DNAJC25: variants seen among roughly 807,000 people sequenced by gnomAD.
DNAJC25 encodes DnaJ heat shock protein family (Hsp40) member C25.
In DNAJC25, 26 loss-of-function variants were observed where a neutral mutation model predicts 42.1. The observed-to-expected ratio is 0.62, with a 90% CI of 0.45 to 0.86. The LOEUF is 0.86. Among genes scored for constraint, DNAJC25 ranks in the 40% least tolerant of loss-of-function variants. DNAJC25 has a pLI of 0.00. For synonymous variants in DNAJC25, 189 were observed against 179.9 expected, an observed-to-expected ratio of 1.05 and a Z score of -0.40; for missense variants, 404 against 459.4, an observed-to-expected ratio of 0.88 and a Z score of 1.10.
In DNAJC25 at chr9:111,647,217, A is replaced by G; in HGVS notation, c.447A>G (p.Arg149=). The G allele has an allele frequency of 6.2e-7, 1 of 1,614,186 alleles. No individual in the cohort carries two copies. Among genetic ancestry groups the G allele is most frequent in the Non-Finnish European group, 8.5e-7 (1 of 1,180,040 alleles). ...GCTTGGCCCCTAAGGTGGATGTTAG[A>G]GTAGTGATTTTGGTCAGCGTGTGTG... ...SRRLAPKVDV[R]VVILVSVCAI... is the part of the protein sequence containing the mutation. Residue 149 remains arginine (R), a synonymous_variant, in exon 2 of 4, where the codon AGA becomes AGG. Coordinates refer to ENST00000313525, the MANE Select transcript of DNAJC25 (RefSeq NM_001015882.3).
In DNAJC25 at chr9:111,649,639, A is replaced by G; in HGVS notation, c.676A>G (p.Ile226Val). The change falls in exon 3 of 4, where the codon ATA becomes GTA. Residue 226 changes from isoleucine to valine, a missense_variant. Ile to Val is a conservative substitution (Grantham distance 29). Coordinates refer to ENST00000313525, the MANE Select transcript of DNAJC25 (RefSeq NM_001015882.3). ...GGAGGAGAACATCATAAAGAACATT[A>G]TAAAAAGTAAAATAGATATAAAGGG... is the stretch of plus-strand genomic sequence containing the variant. ...DEEENIIKNIIKSKIDIKGGY... is the reference protein window; with the variant it reads ...DEEENIIKNIVKSKIDIKGGY... The G allele has an allele frequency of 6.2e-7, 1 of 1,613,864 alleles. No individual in the cohort carries two copies. Among genetic ancestry groups the G allele is most frequent in the Admixed American group, 1.7e-5 (1 of 59,940 alleles).
At position 111,639,928 on chromosome 9, in the gene DNAJC25, C is replaced by CTCTCCG. The variant is rs71373755; in HGVS notation, c.337-7149_337-7144dup. Reference sequence around the variant, plus strand: ...CCTCTCCCTCTCCCTCTCCCTCTCCCTCTCCGTCTCCGTCTCCGTCTCCGT... The same window carrying CTCTCCG: ...CCTCTCCCTCTCCCTCTCCCTCTCCCTCTCCGTCTCCGTCTCCGTCTCCGTCTCCGT... On this transcript the variant is annotated intron_variant, in intron 1 of 3. Transcript: ENST00000313525. Among the ~76,000 whole-genome samples the CTCTCCG allele has an allele frequency of 1.5e-3, 179 of 120,038 alleles. 1 individual carries two copies. Among genetic ancestry groups the CTCTCCG allele is most frequent in the South Asian group, 0.012 (41 of 3,560 alleles). 78.7% of individuals were successfully genotyped at this position (120,038 alleles called of 152,430 possible).
intron 1 of DNAJC25, among the ~76,000 whole-genome samples, chr9:111,640,824 G>A (rs1175057186): frequency 7.7e-6 from 1 of 129,902 alleles, no homozygotes; most frequent in African/African-American, 3.1e-5. Flanking sequence ...CACCCCGTCC[G>A]GGAGGGAGGT....
At chr9:111,640,216 G>C (rs1830431454) in intron 1 of DNAJC25, among the ~76,000 whole-genome samples, 2 of 150,194 alleles carry the variant, frequency 1.3e-5, no homozygotes, top group African/African-American at 2.4e-5. Flanking sequence ...ATGGAGTCTC[G>C]TTCACTCAGT....
At chr9:111,651,528 T>C (rs1332356904) in intron 3 of DNAJC25, among the ~76,000 whole-genome samples, 4 of 152,150 alleles carry the variant, frequency 2.6e-5, no homozygotes, top group Non-Finnish European at 5.9e-5. Flanking sequence ...TTCCAAAATT[T>C]GATGTGGCTG....
At chr9:111,633,109 A>G (rs1287486902) in intron 1 of DNAJC25, among the ~76,000 whole-genome samples, 4 of 152,176 alleles carry the variant, frequency 2.6e-5, no homozygotes, top group Non-Finnish European at 4.4e-5. Flanking sequence ...AAAAATAGGA[A>G]AGAACTCTCC....
rs1469302665 is a variant in DNAJC25 at position 111,649,708 on chromosome 9, ATTATC to A, written c.749_753del (p.Ile250SerfsTer18). On this transcript the variant is annotated frameshift_variant, in exon 3 of 4. Transcript: ENST00000313525. LOFTEE classifies it high-confidence loss of function. ...AATCTGTGATCTTCTCCTGTTTCAAATTATCTTAGCTCCTTTTCACCTATGCTCAT... is the reference window on the plus strand; with the variant it reads ...AATCTGTGATCTTCTCCTGTTTCAAATTAGCTCCTTTTCACCTATGCTCAT... 1 of 1,614,158 alleles carries A rather than the reference ATTATC, an allele frequency of 6.2e-7. No individual in the cohort carries two copies. The highest frequency in any genetic ancestry group is 2.2e-5 in the East Asian group (1 of 44,878).
chr9:111,651,705 G>A (rs1830663428), intron 3 of DNAJC25, among the ~76,000 whole-genome samples: 1 of 152,012 alleles, frequency 6.6e-6, no homozygotes, highest in African/African-American at 2.4e-5. Context: ...TGGGCAACAT[G>A]GCGAAACCCT....
intron 1 of DNAJC25, among the ~76,000 whole-genome samples, chr9:111,641,246 C>G (rs1277270165): frequency 8.4e-6 from 1 of 119,674 alleles, no homozygotes; most frequent in African/African-American, 3.1e-5. Context: ...GCCCTCCCCC[C>G]GGCCAGCCGC....
At chr9:111,632,214 T>A (rs531786026) in intron 1 of DNAJC25, among the ~76,000 whole-genome samples, 1 of 152,330 alleles carries the variant, frequency 6.6e-6, no homozygotes, top group Non-Finnish European at 1.5e-5. Flanking sequence ...AAGAAAACAC[T>A]GAGAAGAACA....
At chr9:111,642,662 A>G (rs1164428755) in intron 1 of DNAJC25, among the ~76,000 whole-genome samples, 1 of 145,396 alleles carries the variant, frequency 6.9e-6, no homozygotes, top group Non-Finnish European at 1.5e-5. Flanking sequence ...ATGTAAAACT[A>G]GCTGCAATAT....
intron 1 of DNAJC25, among the ~76,000 whole-genome samples, chr9:111,633,666 A>C (rs1270509340): frequency 6.6e-6 from 1 of 152,148 alleles, no homozygotes; most frequent in Non-Finnish European, 1.5e-5. Context: ...AATGGTGAGC[A>C]TGTTGGTAAG....
intron 2 of DNAJC25, among the ~76,000 whole-genome samples, chr9:111,647,937 C>A (rs62569918): frequency 0.049 from 7,517 of 152,192 alleles, 308 homozygotes; most frequent in South Asian, 0.15. Flanking sequence ...CACCACCACA[C>A]CCGGCTAGTG....
chr9:111,639,630 G>T (rs1430006815), intron 1 of DNAJC25, among the ~76,000 whole-genome samples: 12 of 147,820 alleles, frequency 8.1e-5, no homozygotes, highest in Admixed American at 8.1e-4. Context: ...TAATGGCCTG[G>T]AAAAAAATTT....
At chr9:111,635,133 C>T (rs936436230) in intron 1 of DNAJC25, among the ~76,000 whole-genome samples, 13 of 152,206 alleles carry the variant, frequency 8.5e-5, no homozygotes, top group Non-Finnish European at 1.3e-4. Flanking sequence ...CATTGGATCT[C>T]ATGAGGTAGA....
At chr9:111,641,557 G>A (rs1272374503) in intron 1 of DNAJC25, among the ~76,000 whole-genome samples, 3 of 115,910 alleles carry the variant, frequency 2.6e-5, no homozygotes, top group African/African-American at 3.6e-5. Flanking sequence ...CCGGCCAGCC[G>A]CCCCATCCGG....
intron 3 of DNAJC25, among the ~76,000 whole-genome samples, chr9:111,652,161 A>G (rs564828431): frequency 1.4e-4 from 22 of 152,250 alleles, no homozygotes; most frequent in South Asian, 1.2e-3. Flanking sequence ...AACTCAGTCA[A>G]TTTTCATTGA....
intron 1 of DNAJC25, among the ~76,000 whole-genome samples, chr9:111,643,352 A>G (rs541236447): frequency 6.6e-6 from 1 of 152,320 alleles, no homozygotes; most frequent in African/African-American, 2.4e-5. Flanking sequence ...GAGTTACCCT[A>G]CCTACTTTCC....
intron 1 of DNAJC25, among the ~76,000 whole-genome samples, chr9:111,641,785 C>T (rs1189115612): frequency 1.1e-4 from 8 of 75,558 alleles, no homozygotes; most frequent in Admixed American, 2.3e-4. Context: ...CCCGGCCAGC[C>T]GCCCCGTCCG....
Sources: gnomAD v4.1 joint callset for allele counts (sites outside exome capture counted in the v4.1 genomes callset) on GRCh38, gnomAD v4.1.1 for gene constraint, MANE v1.5 for transcripts, NCBI Gene and HGNC (gene_info 2026-07-23, HGNC 2026-07-21) for gene names.